TYW1: variants seen among roughly 807,000 people sequenced by gnomAD.
TYW1 encodes tRNA-yW synthesizing protein 1 homolog.
TYW1 carries 46 observed loss-of-function variants against 96.2 expected under a neutral mutation model. The observed-to-expected ratio is 0.48, with a 90% CI of 0.38 to 0.61. The LOEUF (loss-of-function observed/expected upper bound fraction) is 0.61, where lower values mean the gene tolerates loss of function less well. Ranked by LOEUF, TYW1 falls within the 20% of genes least tolerant of loss-of-function variation. The pLI, the probability that TYW1 is intolerant of heterozygous loss-of-function variation, is 0.00. For synonymous variants in TYW1, 274 were observed against 323.0 expected (o/e 0.85, Z 1.63); for missense variants, 684 against 909.6 (o/e 0.75, Z 3.19).
chr7:67,155,032 A>C (rs1453971677), intron 13 of TYW1, among the ~76,000 whole-genome samples: 1 of 152,016 alleles, frequency 6.6e-6, no homozygotes, highest in Admixed American at 6.6e-5. Flanking sequence ...ATTTGGTTCT[A>C]TTTTAGGATA....
intron 7 of TYW1, among the ~76,000 whole-genome samples, chr7:67,028,167 C>A (rs949992775): frequency 6.7e-6 from 1 of 149,510 alleles, no homozygotes; most frequent in South Asian, 2.1e-4. Flanking sequence ...TGAACCCTGG[C>A]GGCAGAGGTT....
intron 13 of TYW1, among the ~76,000 whole-genome samples, chr7:67,134,708 T>A (rs1798188707): frequency 6.7e-6 from 1 of 149,910 alleles, no homozygotes; most frequent in South Asian, 2.1e-4. Context: ...TGCCAAGGGC[T>A]CCCAACCTCC....
chr7:67,055,954 T>C (rs1438265029), intron 9 of TYW1, 67 bp downstream of exon 9: 1 of 1,165,760 alleles, frequency 8.6e-7, no homozygotes, highest in Non-Finnish European at 1.2e-6. Flanking sequence ...TATTATACAC[T>C]GTCTATAAAT....
intron 12 of TYW1, among the ~76,000 whole-genome samples, chr7:67,105,886 CTTTTTTTTTT>C (rs11330425): frequency 1.6e-4 from 10 of 61,396 alleles, no homozygotes; most frequent in African/African-American, 6.5e-4. Context: ...AGAGAATATT[CTTTTTTTTTT>C]TTTTTTTTTT....
intron 12 of TYW1, among the ~76,000 whole-genome samples, chr7:67,100,057 T>TA (rs1797040610): frequency 6.6e-6 from 1 of 151,892 alleles, no homozygotes; most frequent in Non-Finnish European, 1.5e-5. Context: ...AAACTGCTTG[T>TA]ATGGCTTTGA....
chr7:67,113,152 A>T (rs1364973641), intron 12 of TYW1, among the ~76,000 whole-genome samples: 3 of 151,804 alleles, frequency 2.0e-5, no homozygotes, highest in African/African-American at 7.3e-5. Context: ...CGTCTTTTGT[A>T]TGATTTTGCC....
At chr7:67,074,872 A>G (rs1454131273) in intron 10 of TYW1, among the ~76,000 whole-genome samples, 2 of 151,698 alleles carry the variant, frequency 1.3e-5, no homozygotes, top group Non-Finnish European at 2.9e-5. Context: ...TCGCTCTGTC[A>G]CCCAGGCTGG....
In TYW1 at chr7:67,238,920, C is replaced by G; in HGVS notation, c.*391C>G. The stretch of plus-strand genomic sequence containing the variant: ...TTCCCCTTACCCGGCCCTTAGATTT[C>G]ATGGAGCAGCCACTTAGCATTGAAT... On this transcript the variant is annotated 3_prime_UTR_variant, in exon 16 of 16. Transcript: ENST00000359626. 9.6e-7 allele frequency: 1 copy of G among 1,044,046 alleles called. No individual in the cohort carries two copies. The allele number at this position is 1,044,046 out of a possible 1,614,324, so 64.7% of individuals were successfully genotyped here. A position where few individuals can be genotyped will look rare whatever the true frequency, so the allele number is the denominator to read the frequency against.
chr7:67,125,211 A>T (rs553511992), intron 13 of TYW1, among the ~76,000 whole-genome samples: 170 of 152,318 alleles, frequency 1.1e-3, no homozygotes, highest in African/African-American at 3.8e-3. Context: ...TTATCACTTT[A>T]AAAAAGTATA....
intron 13 of TYW1, among the ~76,000 whole-genome samples, chr7:67,145,368 C>T (rs1258211474): frequency 6.6e-6 from 1 of 151,994 alleles, no homozygotes; most frequent in Non-Finnish European, 1.5e-5. Flanking sequence ...CCAGGATGGT[C>T]TCGATCTCCT....
intron 15 of TYW1, among the ~76,000 whole-genome samples, chr7:67,225,672 T>G (rs1328107055): frequency 6.6e-6 from 1 of 152,010 alleles, no homozygotes; most frequent in African/African-American, 2.4e-5. Context: ...CAGCAGCAGT[T>G]GCTTTTAGAG....
At chr7:67,015,639 G>T (rs1682358451) in intron 5 of TYW1, among the ~76,000 whole-genome samples, 2 of 152,134 alleles carry the variant, frequency 1.3e-5, no homozygotes, top group Admixed American at 6.6e-5. Flanking sequence ...AGGCATGAAC[G>T]TGTCCAGCCT....
chr7:67,192,566 C>G (rs924130135), intron 14 of TYW1, among the ~76,000 whole-genome samples: 1 of 152,132 alleles, frequency 6.6e-6, no homozygotes, highest in Non-Finnish European at 1.5e-5. Flanking sequence ...ATGACTAATG[C>G]TTATCAATAA....
chr7:67,174,775 G>A (rs2690179), intron 13 of TYW1, among the ~76,000 whole-genome samples: 40,538 of 140,894 alleles, frequency 0.29, 6,025 homozygotes, highest in African/African-American at 0.42. Context: ...TGGCAAGTTT[G>A]ATCAATAAAA....
intron 15 of TYW1, among the ~76,000 whole-genome samples, chr7:67,213,028 C>A (rs945670303): frequency 9.4e-5 from 13 of 138,416 alleles, no homozygotes; most frequent in Admixed American, 9.3e-4. Flanking sequence ...GGTGCCACCA[C>A]ACCCAGCTAA....
chr7:67,083,533 TTTAAAGGTA>T lies in TYW1; in HGVS notation c.1381_1384+5del. The T allele has an allele frequency of 6.2e-7, 1 of 1,614,130 alleles. No homozygotes were observed. Among genetic ancestry groups the T allele is most frequent in the Non-Finnish European group, 8.5e-7 (1 of 1,179,988 alleles). Reference sequence around the variant, plus strand: ...AAACCATCAGAACATGATTAAGCAGTTTAAAGGTATTTATCTTCCCTCTACAAAGGAATG... The same window carrying T: ...AAACCATCAGAACATGATTAAGCAGTTTTATCTTCCCTCTACAAAGGAATG... On this transcript the variant is annotated splice_donor_variant and splice_donor_region_variant and coding_sequence_variant and intron_variant, in exon 11 of 16. Transcript: ENST00000359626. LOFTEE classifies it high-confidence loss of function.
At chr7:67,092,244 G>A (rs1355323392) in intron 11 of TYW1, among the ~76,000 whole-genome samples, 19 of 151,762 alleles carry the variant, frequency 1.3e-4, no homozygotes, top group Admixed American at 1.1e-3. Flanking sequence ...CTCCACTATC[G>A]TGCCACCTCC....
intron 13 of TYW1, among the ~76,000 whole-genome samples, chr7:67,167,818 G>A (rs559104349): frequency 9.3e-4 from 142 of 151,962 alleles, no homozygotes; most frequent in Non-Finnish European, 4.6e-4. Flanking sequence ...GCAGTAGCGC[G>A]ATCTCAGTTC....
chr7:67,113,927 C>G (rs1340811448), intron 12 of TYW1, among the ~76,000 whole-genome samples: 1 of 152,216 alleles, frequency 6.6e-6, no homozygotes, highest in African/African-American at 2.4e-5. Flanking sequence ...GCATGAGCCA[C>G]TGTGCCCGGC....
Sources: gnomAD v4.1 joint callset for allele counts (sites outside exome capture counted in the v4.1 genomes callset) on GRCh38, gnomAD v4.1.1 for gene constraint, MANE v1.5 for transcripts, NCBI Gene and HGNC (gene_info 2026-07-23, HGNC 2026-07-21) for gene names.